FARP2: variants seen among roughly 807,000 people sequenced by gnomAD.
The protein encoded by FARP2 is FERM, ARH/RhoGEF and pleckstrin domain protein 2, also known as FERM, ARHGEF and pleckstrin domain-containing protein 2.
In FARP2, 111 loss-of-function variants were observed where a neutral mutation model predicts 130.5. The observed-to-expected ratio is 0.85, with a 90% CI of 0.73 to 1.00. The LOEUF (loss-of-function observed/expected upper bound fraction) is 1.00. Ranked by LOEUF, FARP2 falls within the 50% of genes least tolerant of loss-of-function variation. The pLI, the probability that FARP2 is intolerant of heterozygous loss-of-function variation, is 0.00. For synonymous variants in FARP2, 504 were observed against 516.9 expected, an observed-to-expected ratio of 0.98 and a Z score of 0.34; for missense variants, 1,385 against 1,346.3, an observed-to-expected ratio of 1.03 and a Z score of -0.45.
intron 13 of FARP2, chr2:241,446,859 C>G (rs1040653706): frequency 6.6e-6 from 1 of 152,200 alleles, no homozygotes; most frequent in African/African-American, 2.4e-5. Context: ...CTGTTAGCCT[C>G]CCTCTCCACG....
intron 1 of FARP2, among the ~76,000 whole-genome samples, chr2:241,366,102 A>ATATATATATATATAT (rs1388297069): frequency 5.8e-5 from 2 of 34,726 alleles, no homozygotes; most frequent in Admixed American, 2.8e-4. Context: ...TAAAAAAAAA[A>ATATATATATATATAT]AAATATATAT....
At chr2:241,409,199 AT>A (rs147434105) in intron 5 of FARP2, among the ~76,000 whole-genome samples, 16,730 of 152,076 alleles carry the variant, frequency 0.11, 1,182 homozygotes, top group Non-Finnish European at 0.15. Context: ...TATGTGGAGG[AT>A]TCTTTTTTCT....
At chr2:241,453,401 T>G (rs1378783304) in intron 13 of FARP2, among the ~76,000 whole-genome samples, 3 of 150,996 alleles carry the variant, frequency 2.0e-5, no homozygotes, top group Non-Finnish European at 4.4e-5. Context: ...GGCGGGCAGA[T>G]CACAAGGTCA....
At chr2:241,466,675 CTCCCCT>C in intron 17 of FARP2, 1 of 894,244 alleles carries the variant, frequency 1.1e-6, no homozygotes, top group Non-Finnish European at 1.3e-6. Context: ...CCCGCCTTCA[CTCCCCT>C]TCCAACCACC....
At chr2:241,462,475 G>T in intron 14 of FARP2, 48 bp from the exon 15 acceptor site, 1 of 1,345,578 alleles carries the variant, frequency 7.4e-7, no homozygotes, top group Non-Finnish European at 1.1e-6. Context: ...AGCGTGGGAG[G>T]GTCCCATGTC....
intron 2 of FARP2, among the ~76,000 whole-genome samples, chr2:241,384,537 A>G (rs2061740212): frequency 6.6e-6 from 1 of 152,188 alleles, no homozygotes; most frequent in Non-Finnish European, 1.5e-5. Flanking sequence ...TCTAAAATAT[A>G]TTTCTTTGAA....
Position 241,463,412 on chromosome 2 carries a change from C to T in FARP2, c.1755C>T (p.Pro585=). Residue 585 remains proline, a synonymous_variant, in exon 16 of 27, where the codon CCC becomes CCT. Transcript: ENST00000264042. Reference sequence around the variant, plus strand: ...CGCTGCTCTTCTCCAACATCGATCCCATCTATGAGTTCCACAGAGGCTTCC... The same window carrying T: ...CGCTGCTCTTCTCCAACATCGATCCTATCTATGAGTTCCACAGAGGCTTCC... The part of the protein sequence containing the change: ...LMTLLFSNID[P]IYEFHRGFLR... 1 of 1,614,088 alleles carries T rather than the reference C, an allele frequency of 6.2e-7. No individual in the cohort carries two copies. Among genetic ancestry groups the T allele is most frequent in the Non-Finnish European group, 8.5e-7 (1 of 1,180,016 alleles).
intron 13 of FARP2, among the ~76,000 whole-genome samples, chr2:241,453,608 C>A (rs756911521): frequency 4.2e-4 from 62 of 148,956 alleles, no homozygotes; most frequent in Admixed American, 2.3e-3. Context: ...GGTGAAAGAG[C>A]GAGACTCTGT....
At chr2:241,436,565 G>T (rs779994995) in intron 12 of FARP2, 27 bp downstream of exon 12, 1 of 1,596,742 alleles carries the variant, frequency 6.3e-7, no homozygotes, top group Non-Finnish European at 8.6e-7. Context: ...TCAACATGGG[G>T]GCAGTAGGAG....
Position 241,493,414 on chromosome 2 carries a change from T to C in FARP2, c.3017T>C (p.Phe1006Ser). ...CAGTTCAAATCCCACGTCTACTTCT[T>C]CCGGGCTGAGAGCAAGTACACATTT... The part of the protein sequence containing the change: ...KLQFKSHVYF[F>S]RAESKYTFER... Residue 1006 changes from phenylalanine to serine, a missense_variant, in exon 26 of 27, where the codon TTC becomes TCC. Phe to Ser is a radical substitution (Grantham distance 155). Coordinates refer to ENST00000264042, the MANE Select transcript of FARP2 (RefSeq NM_014808.4). The C allele has an allele frequency of 2.5e-6, 4 of 1,613,884 alleles. No individual in the cohort carries two copies. The highest frequency in any genetic ancestry group is 3.4e-6 in the Non-Finnish European group (4 of 1,180,008).
chr2:241,381,032 G>C (rs552166149), intron 2 of FARP2, among the ~76,000 whole-genome samples: 2 of 152,112 alleles, frequency 1.3e-5, no homozygotes, highest in Non-Finnish European at 2.9e-5. Context: ...GTGGACATGA[G>C]TCTCTTCCAG....
chr2:241,475,427 G>A lies in FARP2; in HGVS notation c.2132-430G>A, dbSNP rs946855467. ...GGCCACACGGCAGGAGGTGAGTGGC[G>A]GGCAAGTGAAGCTTCTCTGTATTTA... is the stretch of plus-strand genomic sequence containing the variant. On this transcript the variant is annotated intron_variant, in intron 18 of 26. Coordinates refer to ENST00000264042, the MANE Select transcript of FARP2 (RefSeq NM_014808.4). This position sits in a 1 kb window ranked among gnomAD's most constrained non-coding sequence, Gnocchi z 4.4. Among the ~76,000 whole-genome samples, 1 of 152,120 alleles carries A rather than the reference G, an allele frequency of 6.6e-6. No individual in the cohort carries two copies. Among genetic ancestry groups the A allele is most frequent in the East Asian group, 1.9e-4 (1 of 5,198 alleles).
chr2:241,464,077 A>T, intron 17 of FARP2, 97 bp downstream of exon 17: 2 of 985,368 alleles, frequency 2.0e-6, no homozygotes, highest in Non-Finnish European at 3.1e-6. Context: ...GTCCCCTCAG[A>T]AAAGGGTCCC....
chr2:241,401,701 TC>T (rs2062170136), intron 2 of FARP2, among the ~76,000 whole-genome samples: 1 of 152,196 alleles, frequency 6.6e-6, no homozygotes, highest in South Asian at 2.1e-4. Flanking sequence ...TAGACTTTTT[TC>T]AATGATAACA....
chr2:241,372,973 C>T, intron 1 of FARP2, 111 bp from the exon 2 acceptor site: 1 of 467,598 alleles, frequency 2.1e-6, no homozygotes, highest in Non-Finnish European at 3.6e-6. Context: ...ACAGAAGTTG[C>T]AGTAATAGTA....
At chr2:241,396,971 T>C (rs544228598) in intron 2 of FARP2, among the ~76,000 whole-genome samples, 8 of 152,218 alleles carry the variant, frequency 5.3e-5, no homozygotes, top group Non-Finnish European at 1.0e-4. Context: ...TAAGAAAATG[T>C]GGCACATATA....
intron 13 of FARP2, chr2:241,445,409 A>G (rs2063490076): frequency 6.6e-6 from 1 of 152,256 alleles, no homozygotes; most frequent in Non-Finnish European, 1.5e-5. Context: ...CATAAGGAAG[A>G]CATTTCCCTC....
At chr2:241,467,701 C>T (rs972012760) in intron 17 of FARP2, among the ~76,000 whole-genome samples, 1 of 151,834 alleles carries the variant, frequency 6.6e-6, no homozygotes, top group African/African-American at 2.4e-5. Flanking sequence ...TGTGCCAGCA[C>T]AACCGCTTAG....
intron 13 of FARP2, 144 bp downstream of exon 13, chr2:241,441,700 A>C: frequency 8.1e-7 from 1 of 1,227,818 alleles, no homozygotes. Flanking sequence ...GGATGACTTT[A>C]CCACAGGCTC....
Sources: gnomAD v4.1 joint callset for allele counts (sites outside exome capture counted in the v4.1 genomes callset) on GRCh38, gnomAD v4.1.1 for gene constraint, Gnocchi (gnomAD v3.1) non-coding constraint, MANE v1.5 for transcripts, NCBI Gene and HGNC (gene_info 2026-07-23, HGNC 2026-07-21) for gene names.